Variants in ADCY7 observed in about 807,000 individuals in gnomAD.
ADCY7 encodes adenylate cyclase 7, also known as adenylate cyclase type 7.
A neutral mutation model predicts 120.6 loss-of-function variants in ADCY7; 72 were observed. That is an observed-to-expected ratio of 0.60 (90% CI 0.49 to 0.73). The LOEUF (loss-of-function observed/expected upper bound fraction) is 0.73. Among genes scored for constraint, ADCY7 ranks in the 30% least tolerant of loss-of-function variants. ADCY7 has a pLI of 0.00. For synonymous variants in ADCY7, 661 were observed against 628.0 expected (o/e 1.05, Z -0.78); for missense variants, 1,227 against 1,486.0 (o/e 0.83, Z 2.87).
rs1206436162 is a variant in ADCY7, at chr16:50,310,523, CA to C, written c.2161-163del. Reference sequence around the variant, plus strand: ...AGAAATAAAACTACAGTGAAAACAACACTGGACACTCTTAGGTCTCATTGTT... The same window carrying C: ...AGAAATAAAACTACAGTGAAAACAACCTGGACACTCTTAGGTCTCATTGTT... On this transcript the variant is annotated intron_variant, in intron 18 of 25. Coordinates refer to ENST00000673801, the MANE Select transcript of ADCY7 (RefSeq NM_001114.5). 1.9e-6 allele frequency: 3 copies of C among 1,541,214 alleles called. No homozygotes were observed. The South Asian group carries it at 3.6e-5, about 18-fold the overall frequency.
In ADCY7 at chr16:50,288,275, G is replaced by GC. The variant is rs1252889193; in HGVS notation, c.98dup (p.Leu34AlafsTer225). 6.4e-7 allele frequency: 1 copy of GC among 1,551,062 alleles called. No homozygotes were observed. Among genetic ancestry groups the GC allele is most frequent in the Non-Finnish European group, 8.7e-7 (1 of 1,146,948 alleles). On this transcript the variant is annotated frameshift_variant, in exon 2 of 26. Transcript: ENST00000673801. LOFTEE classifies it high-confidence loss of function. ...AGTACCAGCTCACCAGCCAGCATGGGCCGCTGCTGCTCACGCTCCTGCTGG... is the reference window on the plus strand; with the variant it reads ...AGTACCAGCTCACCAGCCAGCATGGGCCCGCTGCTGCTCACGCTCCTGCTGG...
At position 50,305,483 on chromosome 16, in the gene ADCY7, T is replaced by C. The variant is rs552717568; in HGVS notation, c.1596-20T>C. On this transcript the variant is annotated intron_variant, in intron 12 of 25. Transcript: ENST00000673801. Reference sequence around the variant, plus strand: ...GGAGGTGGTCGCTGTGCTGATGCAGTTGTGGGTATCTGATTCCAGAAGCAT... The same window carrying C: ...GGAGGTGGTCGCTGTGCTGATGCAGCTGTGGGTATCTGATTCCAGAAGCAT... 1.2e-5 allele frequency: 19 copies of C among 1,610,912 alleles called. No individual in the cohort carries two copies. In the East Asian group the frequency reaches 4.0e-4, roughly 34 times the overall value.
rs67137852 is a variant in ADCY7 at position 50,295,345 on chromosome 16, ATTTTTTTTTT to A, written c.948+615_948+624del. ...AGGCATGCACCACCACGCCTGGCTA[ATTTTTTTTTT>A]TTTTTTTTTTTTTTTTTTTTGTAGC... On this transcript the variant is annotated intron_variant, in intron 7 of 25. Transcript: ENST00000673801. 2.9e-3 allele frequency among the ~76,000 whole-genome samples: 236 copies of A among 82,748 alleles called. 3 individuals carry two copies. The highest frequency in any genetic ancestry group is 0.024 in the South Asian group (46 of 1,920). 54.3% of individuals were successfully genotyped at this position (82,748 alleles called of 152,430 possible). A position where few individuals can be genotyped will look rare whatever the true frequency, so the allele number is the denominator to read the frequency against.
rs550710759 is a variant in ADCY7, at chr16:50,314,288, G to A, written c.2857-4G>A. On this transcript the variant is annotated splice_polypyrimidine_tract_variant and splice_region_variant and intron_variant, in intron 23 of 25. Transcript: ENST00000673801. ...AAGGATCTGACCCACAGCCTGTCCC[G>A]CAGGAGCTGGAGCGGCAGCATGCCC... 77 of 1,613,554 alleles carry A rather than the reference G, an allele frequency of 4.8e-5. No homozygotes were observed. The East Asian group carries it at 1.2e-3, about 24-fold the overall frequency.
chr16:50,288,224 C>T lies in ADCY7; in HGVS notation c.45C>T (p.Gly15=), dbSNP rs758047984. ...GRYFLNEGEE[G]PDQDALYEKY... ...ACTTCCTCAACGAGGGCGAGGAGGGCCCTGACCAAGATGCGCTCTACGAGA... is the reference window on the plus strand; with the variant it reads ...ACTTCCTCAACGAGGGCGAGGAGGGTCCTGACCAAGATGCGCTCTACGAGA... The change falls in exon 2 of 26, where the codon GGC becomes GGT. Residue 15 remains glycine (G), a synonymous_variant. Coordinates refer to ENST00000673801, the MANE Select transcript of ADCY7 (RefSeq NM_001114.5). 16 of 1,551,470 alleles carry T rather than the reference C, an allele frequency of 1.0e-5. No homozygotes were observed. The highest frequency in any genetic ancestry group is 7.8e-6 in the Non-Finnish European group (9 of 1,147,138).
intron 1 of ADCY7, among the ~76,000 whole-genome samples, chr16:50,271,867 C>G (rs1042684604): frequency 6.6e-6 from 1 of 152,206 alleles, no homozygotes. Flanking sequence ...CCGCCTCCCC[C>G]ACCCCCTTGG....
intron 1 of ADCY7, among the ~76,000 whole-genome samples, chr16:50,247,367 T>A (rs988645816): frequency 3.3e-5 from 5 of 149,942 alleles, no homozygotes; most frequent in African/African-American, 1.2e-4. Flanking sequence ...GGAGGCAGGA[T>A]TTTTTTTTTC....
chr16:50,304,789 G>A (rs546628734), intron 11 of ADCY7, 136 bp from the exon 12 acceptor site: 2 of 1,236,640 alleles, frequency 1.6e-6, no homozygotes, highest in South Asian at 2.5e-5. Context: ...CTATAGTCAG[G>A]ATGTCTGTGG....
intron 1 of ADCY7, among the ~76,000 whole-genome samples, chr16:50,247,172 G>A (rs2032615701): frequency 6.6e-6 from 1 of 152,218 alleles, no homozygotes; most frequent in African/African-American, 2.4e-5. Context: ...GGGGTTCTCA[G>A]GTTCAGTGAA....
Position 50,311,784 on chromosome 16 carries a change from C to T in ADCY7, c.2446C>T (p.Gln816Ter), listed in dbSNP as rs2036480139. 7.1e-7 allele frequency: 1 copy of T among 1,404,780 alleles called. No individual in the cohort carries two copies. The highest frequency in any genetic ancestry group is 1.6e-5 in the African/African-American group (1 of 62,010). The allele number at this position is 1,404,780 out of a possible 1,614,324, so 87.0% of individuals were successfully genotyped here. A position where few individuals can be genotyped will look rare whatever the true frequency, so the allele number is the denominator to read the frequency against. The change falls in exon 20 of 26, where the codon CAG (glutamine) becomes TAG (stop). Residue 816 changes from glutamine to a stop codon, truncating the protein, a stop_gained and splice_region_variant. Transcript: ENST00000673801. LOFTEE classifies it high-confidence loss of function. ...FYITLLTLSR[Q>*]IDYYCRLDCL... Reference sequence around the variant, plus strand: ...CATCACCCTGCTTACACTCTCCAGACAGGTAAGGAGGCTGGCCCCCCCCCC... The same window carrying T: ...CATCACCCTGCTTACACTCTCCAGATAGGTAAGGAGGCTGGCCCCCCCCCC...
intron 1 of ADCY7, among the ~76,000 whole-genome samples, chr16:50,270,244 C>A: frequency 6.7e-6 from 1 of 148,384 alleles, no homozygotes; most frequent in Non-Finnish European, 1.5e-5. Context: ...GATAGATAGA[C>A]ACATGTAGCC....
intron 1 of ADCY7, among the ~76,000 whole-genome samples, chr16:50,253,285 C>G (rs1325039066): frequency 6.6e-6 from 1 of 152,202 alleles, no homozygotes. Context: ...GAGTCTTGCT[C>G]TGTCGTCCAG....
At position 50,300,883 on chromosome 16, in the gene ADCY7, G is replaced by A. The variant is rs1391497106; in HGVS notation, c.1235+10G>A. On this transcript the variant is annotated intron_variant, in intron 9 of 25. Coordinates refer to ENST00000673801, the MANE Select transcript of ADCY7 (RefSeq NM_001114.5). ...CAGCCGGAGTACCCGGGTGAGGCTGGGCTGGGTAGCCGCAGGGACAGAGGC... is the reference window on the plus strand; with the variant it reads ...CAGCCGGAGTACCCGGGTGAGGCTGAGCTGGGTAGCCGCAGGGACAGAGGC... 1.3e-6 allele frequency: 2 copies of A among 1,554,208 alleles called. No individual in the cohort carries two copies. The highest frequency in any genetic ancestry group is 1.2e-5 in the South Asian group (1 of 84,308).
At chr16:50,289,359 C>T (rs1456863645) in intron 2 of ADCY7, 2 of 443,738 alleles carry the variant, frequency 4.5e-6, no homozygotes, top group Non-Finnish European at 9.0e-6. Context: ...TAACACAGCT[C>T]TCCAGGCTGG....
intron 14 of ADCY7, among the ~76,000 whole-genome samples, 186 bp downstream of exon 14, chr16:50,306,035 C>T (rs928468177): frequency 1.3e-5 from 2 of 152,174 alleles, no homozygotes; most frequent in African/African-American, 4.8e-5. Context: ...CTGGCTCTCT[C>T]CTGTCGGCTT....
At position 50,308,818 on chromosome 16, in the gene ADCY7, C is replaced by A. The variant is rs553375932; in HGVS notation, c.2061+26C>A. ...GTGGGTCCCGTGGTGGGGAGGCAGGCCTCCGGGGTAGAGGGAGACCTCCAG... is the reference window on the plus strand; with the variant it reads ...GTGGGTCCCGTGGTGGGGAGGCAGGACTCCGGGGTAGAGGGAGACCTCCAG... On this transcript the variant is annotated intron_variant, in intron 17 of 25. Transcript: ENST00000673801. 3.1e-6 allele frequency: 5 copies of A among 1,589,146 alleles called. No homozygotes were observed. The African/African-American group carries it at 6.7e-5, about 21-fold the overall frequency.
chr16:50,256,882 A>T (rs1163192343), intron 1 of ADCY7, among the ~76,000 whole-genome samples: 1 of 152,198 alleles, frequency 6.6e-6, no homozygotes, highest in Non-Finnish European at 1.5e-5. Flanking sequence ...TCCCATAATC[A>T]TTGCAGCATT....
intron 10 of ADCY7, 46 bp downstream of exon 10, chr16:50,301,260 G>A (rs1225996304): frequency 6.5e-7 from 1 of 1,545,472 alleles, no homozygotes; most frequent in Admixed American, 2.0e-5. Flanking sequence ...CGGAGGGACT[G>A]GAGGGGCCCT....
At chr16:50,248,678 T>G (rs544445713) in intron 1 of ADCY7, among the ~76,000 whole-genome samples, 1 of 152,346 alleles carries the variant, frequency 6.6e-6, no homozygotes, top group East Asian at 1.9e-4. Context: ...AAAGCAAAAC[T>G]TTATTCCCTT....
Sources: gnomAD v4.1 joint callset for allele counts (sites outside exome capture counted in the v4.1 genomes callset) on GRCh38, gnomAD v4.1.1 for gene constraint, MANE v1.5 for transcripts, NCBI Gene and HGNC (gene_info 2026-07-23, HGNC 2026-07-21) for gene names.